ITPR1: variants seen among roughly 807,000 people sequenced by gnomAD.
The protein encoded by ITPR1 is inositol 1,4,5-trisphosphate receptor type 1.
In ITPR1, 96 loss-of-function variants were observed where a neutral mutation model predicts 318.4. That is an observed-to-expected ratio of 0.30 (90% CI 0.26 to 0.36). The LOEUF is 0.36. Ranked by LOEUF, ITPR1 falls within the 10% of genes least tolerant of loss-of-function variation. The probability of loss-of-function intolerance (pLI) is 1.00; values close to 1 mark genes in which losing one functional copy is unlikely to be tolerated. For synonymous variants in ITPR1, 1,312 were observed against 1,289.9 expected (o/e 1.02, Z -0.37); for missense variants, 2,440 against 3,460.2 (o/e 0.71, Z 7.40).
intron 40 of ITPR1, among the ~76,000 whole-genome samples, chr3:4,719,046 C>T (rs763364288): frequency 2.6e-5 from 4 of 152,156 alleles, no homozygotes; most frequent in Admixed American, 1.3e-4. Flanking sequence ...CTGTTTTGCC[C>T]CATAGTAATC....
intron 4 of ITPR1, among the ~76,000 whole-genome samples, chr3:4,575,904 CAGCT>C (rs1274854323): frequency 1.3e-5 from 2 of 151,770 alleles, no homozygotes; most frequent in Non-Finnish European, 2.9e-5. Context: ...CCTGTAGTCC[CAGCT>C]ACTTGGGTAG....
chr3:4,799,403 G>T (rs923071536), intron 53 of ITPR1, among the ~76,000 whole-genome samples: 6 of 152,194 alleles, frequency 3.9e-5, no homozygotes, highest in Admixed American at 6.5e-5. Context: ...TGGCTGGGCT[G>T]GGGGGAACAG....
chr3:4,687,291 C>T lies in ITPR1; in HGVS notation c.3703-1204C>T, dbSNP rs60497782. Among the ~76,000 whole-genome samples the T allele has an allele frequency of 3.1e-3, 469 of 152,316 alleles. 1 individual carries two copies. Among genetic ancestry groups the T allele is most frequent in the African/African-American group, 8.4e-3 (351 of 41,562 alleles). On this transcript the variant is annotated intron_variant, in intron 30 of 61. Transcript: ENST00000649015. Reference sequence around the variant, plus strand: ...TTGCTGACCTCAGTCTAGCCCGGAACCAAAAGCTAACATTTACAGAGTAAT... The same window carrying T: ...TTGCTGACCTCAGTCTAGCCCGGAATCAAAAGCTAACATTTACAGAGTAAT...
At chr3:4,830,851 A>C in intron 60 of ITPR1, 1 of 445,296 alleles carries the variant, frequency 2.2e-6, no homozygotes, top group Non-Finnish European at 4.5e-6. Flanking sequence ...TTTTGCCCTC[A>C]AGCCCCCCTC....
At chr3:4,576,809 A>G (rs11719430) in intron 4 of ITPR1, among the ~76,000 whole-genome samples, 1 of 152,234 alleles carries the variant, frequency 6.6e-6, no homozygotes, top group African/African-American at 2.4e-5. Flanking sequence ...TTATTTTCCT[A>G]TTCAACCCTG....
At chr3:4,599,983 C>G (rs1178983197) in intron 4 of ITPR1, among the ~76,000 whole-genome samples, 1 of 152,182 alleles carries the variant, frequency 6.6e-6, no homozygotes, top group Non-Finnish European at 1.5e-5. Context: ...TCCCTCCTTC[C>G]TACACTGGTA....
intron 10 of ITPR1, among the ~76,000 whole-genome samples, chr3:4,651,228 A>G (rs2093591279): frequency 6.6e-6 from 1 of 152,160 alleles, no homozygotes; most frequent in Non-Finnish European, 1.5e-5. Context: ...GTCTTGCCTT[A>G]TGCATATGCA....
chr3:4,637,679 G>A (rs530905152), intron 5 of ITPR1, among the ~76,000 whole-genome samples: 6 of 152,338 alleles, frequency 3.9e-5, no homozygotes, highest in African/African-American at 1.2e-4. Context: ...TCAACTTGCA[G>A]TGATCTATGC....
chr3:4,736,038 A>C (rs1380606725), intron 44 of ITPR1, among the ~76,000 whole-genome samples: 3 of 152,252 alleles, frequency 2.0e-5, no homozygotes, highest in African/African-American at 7.2e-5. Context: ...TTAGAACATG[A>C]ATTTTAATAA....
chr3:4,660,343 G>A (rs937263209), intron 13 of ITPR1, among the ~76,000 whole-genome samples: 2 of 151,364 alleles, frequency 1.3e-5, no homozygotes, highest in Non-Finnish European at 2.9e-5. Flanking sequence ...AGCCCTTTGT[G>A]TGTAGAGTAA....
chr3:4,643,612 C>T (rs1279355561), intron 7 of ITPR1, among the ~76,000 whole-genome samples: 1 of 150,218 alleles, frequency 6.7e-6, no homozygotes, highest in East Asian at 1.9e-4. Flanking sequence ...GGGGGGGTAA[C>T]TTTTGTTTTA....
At chr3:4,652,604 G>A (rs13315712) in intron 11 of ITPR1, among the ~76,000 whole-genome samples, 4,876 of 152,272 alleles carry the variant, frequency 0.032, 262 homozygotes, top group African/African-American at 0.11. Flanking sequence ...GCACTAAGAC[G>A]TATAAGGAAT....
chr3:4,722,635 C>T (rs1337986783), intron 40 of ITPR1, among the ~76,000 whole-genome samples: 1 of 152,120 alleles, frequency 6.6e-6, no homozygotes, highest in East Asian at 1.9e-4. Flanking sequence ...ATAAAATAAC[C>T]TTATCCTCAA....
rs1234043192 is a variant in ITPR1, at chr3:4,663,057, C to G, written c.1413-8C>G. 1 of 1,613,054 alleles carries G rather than the reference C, an allele frequency of 6.2e-7. No individual in the cohort carries two copies. The highest frequency in any genetic ancestry group is 1.3e-5 in the African/African-American group (1 of 74,864). On this transcript the variant is annotated splice_region_variant and splice_polypyrimidine_tract_variant and intron_variant, in intron 15 of 61. Transcript: ENST00000649015. ...ACATCTGTCTCTAATAGCGTCTTTC[C>G]TCCTAAGGTCTGTAACCAAGCTGCT...
At chr3:4,684,434 C>T in intron 29 of ITPR1, 88 bp downstream of exon 29, 1 of 925,968 alleles carries the variant, frequency 1.1e-6, no homozygotes, top group Middle Eastern at 2.2e-4. Context: ...AAGGTACACA[C>T]ATTTGAGCTT....
rs1553643409 is a variant in ITPR1 at position 4,609,089 on chromosome 3, TAC to T, written c.164-18665_164-18664del. The stretch of plus-strand genomic sequence containing the variant: ...ATATATATATATATATATATATATA[TAC>T]ACACACACGTATGTCAGTGGTGGTG... On this transcript the variant is annotated intron_variant, in intron 4 of 61. Transcript: ENST00000649015. Among the ~76,000 whole-genome samples, 128 of 91,882 alleles carry T rather than the reference TAC, an allele frequency of 1.4e-3. 1 individual carries two copies. The highest frequency in any genetic ancestry group is 1.7e-3 in the African/African-American group (45 of 26,440). 60.3% of individuals were successfully genotyped at this position (91,882 alleles called of 152,430 possible). A position where few individuals can be genotyped will look rare whatever the true frequency, so the allele number is the denominator to read the frequency against.
At chr3:4,648,753 T>C (rs1237084625) in intron 10 of ITPR1, among the ~76,000 whole-genome samples, 64 of 152,232 alleles carry the variant, frequency 4.2e-4, no homozygotes, top group Non-Finnish European at 4.4e-5. Context: ...GAGGTTGCAG[T>C]GAGCCAAGAT....
rs372804910 is a variant in ITPR1 at position 4,743,562 on chromosome 3, A to G, written c.5544+8208A>G. Among the ~76,000 whole-genome samples, 27 of 152,316 alleles carry G rather than the reference A, an allele frequency of 1.8e-4. No homozygotes were observed. The East Asian group carries it at 3.7e-3, about 21-fold the overall frequency. ...CTCCAGGTTGGTGATAAGAGGCACA[A>G]TCCCTTTGAGGTGGTCCCAGGGGAG... On this transcript the variant is annotated intron_variant, in intron 44 of 61. Coordinates refer to ENST00000649015, the MANE Select transcript of ITPR1 (RefSeq NM_001378452.1).
At position 4,582,512 on chromosome 3, in the gene ITPR1, G is replaced by A. The variant is rs1316605827; in HGVS notation, c.164-45251G>A. Among the ~76,000 whole-genome samples, 6 of 152,242 alleles carry A rather than the reference G, an allele frequency of 3.9e-5. No individual in the cohort carries two copies. The East Asian group carries it at 1.2e-3, about 29-fold the overall frequency. Reference sequence around the variant, plus strand: ...TGTGAAGATGGACATAGTCTTGTGTGCTTCTCTATTCTGCTGAGATTTGTG... The same window carrying A: ...TGTGAAGATGGACATAGTCTTGTGTACTTCTCTATTCTGCTGAGATTTGTG... On this transcript the variant is annotated intron_variant, in intron 4 of 61. Transcript: ENST00000649015.
Sources: allele counts gnomAD v4.1 joint callset (sites outside exome capture counted in the v4.1 genomes callset), GRCh38; gene constraint gnomAD v4.1.1; transcripts MANE v1.5; gene names NCBI Gene and HGNC (gene_info 2026-07-23, HGNC 2026-07-21).